Variants in EFNB3 observed in about 807,000 individuals in gnomAD.
EFNB3 encodes ephrin-B3.
Under a neutral mutation model 29.8 loss-of-function variants are expected in EFNB3, and 14 were observed. The observed-to-expected ratio is 0.47, with a 90% confidence interval of 0.31 to 0.73. The LOEUF is 0.73. EFNB3 is among the 30% of genes least tolerant of loss of function. EFNB3 has a pLI of 0.05. For synonymous variants in EFNB3, 216 were observed against 191.6 expected, an observed-to-expected ratio of 1.13 and a Z score of -1.05; for missense variants, 408 against 458.0, an observed-to-expected ratio of 0.89 and a Z score of 1.00.
chr17:7,707,841 C>T (rs2074332519), intron 1 of EFNB3, 117 bp from the exon 2 acceptor site: 9 of 1,184,026 alleles, frequency 7.6e-6, no homozygotes, highest in Middle Eastern at 2.9e-4. Context: ...CAGACAAAGG[C>T]GGGCAAGCGT....
rs902550229 is a variant in EFNB3 at position 7,710,272 on chromosome 17, C to G, written c.*696C>G. 6.5e-6 allele frequency: 1 copy of G among 153,998 alleles called. No individual in the cohort carries two copies. Among genetic ancestry groups the G allele is most frequent in the Non-Finnish European group, 1.4e-5 (1 of 69,422 alleles). 9.5% of individuals were successfully genotyped at this position (153,998 alleles called of 1,614,324 possible). On this transcript the variant is annotated 3_prime_UTR_variant, in exon 5 of 5. Coordinates refer to ENST00000226091, the MANE Select transcript of EFNB3 (RefSeq NM_001406.4). ...TGGCCCAGGCCTCTACATACTTACT[C>G]CAGCCATTTGGGGTGGTTGGGTCAT...
At chr17:7,707,922 A>G (rs779847289) in intron 1 of EFNB3, 36 bp from the exon 2 acceptor site, 8 of 1,564,244 alleles carry the variant, frequency 5.1e-6, no homozygotes, top group Non-Finnish European at 6.9e-6. Context: ...GGCCTCTGAC[A>G]TCTCTTCCTT....
Position 7,708,585 on chromosome 17 carries a change from A to C in EFNB3, c.509-50A>C. On this transcript the variant is annotated intron_variant, in intron 3 of 4. Transcript: ENST00000226091. The surrounding 1 kb of genome is among the most constrained non-coding windows in gnomAD (Gnocchi z 6.8). Reference sequence around the variant, plus strand: ...GAAGGGACGTTGGGGCAGTACGATCATGGTTGGGGCAGTTGTCTCAGCCCC... The same window carrying C: ...GAAGGGACGTTGGGGCAGTACGATCCTGGTTGGGGCAGTTGTCTCAGCCCC... 1 of 1,594,110 alleles carries C rather than the reference A, an allele frequency of 6.3e-7. No individual in the cohort carries two copies. Among genetic ancestry groups the C allele is most frequent in the East Asian group, 2.3e-5 (1 of 44,296 alleles).
rs897765481 is a variant in EFNB3, at chr17:7,705,805, G to T, written c.122+85G>T. The T allele has an allele frequency of 8.1e-6, 12 of 1,477,234 alleles. No homozygotes were observed. The highest frequency in any genetic ancestry group is 2.7e-5 in the East Asian group (1 of 37,502). 91.5% of individuals were successfully genotyped at this position (1,477,234 alleles called of 1,614,324 possible). A position where few individuals can be genotyped will look rare whatever the true frequency, so the allele number is the denominator to read the frequency against. Reference sequence around the variant, plus strand: ...GGGGCTTGGAGGCGGGCTTCTGTGGGCAGGGAGGAGGCGGGAGGGAAGGTG... The same window carrying T: ...GGGGCTTGGAGGCGGGCTTCTGTGGTCAGGGAGGAGGCGGGAGGGAAGGTG... On this transcript the variant is annotated intron_variant, in intron 1 of 4. Coordinates refer to ENST00000226091, the MANE Select transcript of EFNB3 (RefSeq NM_001406.4). The surrounding 1 kb of genome is among the most constrained non-coding windows in gnomAD (Gnocchi z 5.4).
In EFNB3 at chr17:7,705,372, C is replaced by T; in HGVS notation, c.-227C>T. 1 of 372,562 alleles carries T rather than the reference C, an allele frequency of 2.7e-6. No homozygotes were observed. The highest frequency in any genetic ancestry group is 4.8e-6 in the Non-Finnish European group (1 of 208,676). The allele number at this position is 372,562 out of a possible 1,614,324, so 23.1% of individuals were successfully genotyped here. ...AGATCCCGGGGTGCTGGCGCGTGGG[C>T]CGGGGGCGCGTAGGGCGCCTGCAGA... On this transcript the variant is annotated 5_prime_UTR_variant, in exon 1 of 5. Coordinates refer to ENST00000226091, the MANE Select transcript of EFNB3 (RefSeq NM_001406.4). This position sits in a 1 kb window ranked among gnomAD's most constrained non-coding sequence, Gnocchi z 5.4.
Position 7,708,174 on chromosome 17 carries a change from C to T in EFNB3, c.339C>T (p.Phe113=). 3.7e-6 allele frequency: 6 copies of T among 1,613,688 alleles called. No individual in the cohort carries two copies. The highest frequency in any genetic ancestry group is 5.1e-6 in the Non-Finnish European group (6 of 1,180,030). Residue 113 remains phenylalanine (F), a synonymous_variant, in exon 2 of 5, where the codon TTC becomes TTT. Transcript: ENST00000226091. The surrounding 1 kb of genome is among the most constrained non-coding windows in gnomAD (Gnocchi z 6.8). The part of the protein sequence containing the change: ...TCDRPDLDLR[F]TIKFQEYSPN... ...ATCGCCCAGACCTGGATCTCCGCTT[C>T]ACCATCAAGTTCCAGGAGTATAGCC...
chr17:7,709,859 T>G lies in EFNB3; in HGVS notation c.*283T>G, dbSNP rs2074343395. ...ACAGGCTCAGCCTCCTCTCTGACCA[T>G]GACCCAGGCATCCTTGTCCCCCTCA... is the stretch of plus-strand genomic sequence containing the variant. On this transcript the variant is annotated 3_prime_UTR_variant, in exon 5 of 5. Transcript: ENST00000226091. The surrounding 1 kb of genome is among the most constrained non-coding windows in gnomAD (Gnocchi z 4.5). The G allele has an allele frequency of 1.9e-6, 1 of 526,644 alleles. No individual in the cohort carries two copies. The highest frequency in any genetic ancestry group is 2.0e-5 in the African/African-American group (1 of 51,140). 32.6% of individuals were successfully genotyped at this position (526,644 alleles called of 1,614,324 possible).
chr17:7,706,216 C>T (rs2074327258), intron 1 of EFNB3, among the ~76,000 whole-genome samples: 1 of 151,214 alleles, frequency 6.6e-6, no homozygotes, highest in Non-Finnish European at 1.5e-5. Context: ...GGCTCCTTGA[C>T]TCTCTTCACA....
In EFNB3 at chr17:7,709,929, A is replaced by G. The variant is rs3744264; in HGVS notation, c.*353A>G. On this transcript the variant is annotated 3_prime_UTR_variant, in exon 5 of 5. Transcript: ENST00000226091. This position sits in a 1 kb window ranked among gnomAD's most constrained non-coding sequence, Gnocchi z 4.5. ...GGGAACAGCCCACCTTTTGGTTGGC[A>G]CCGCCTTCTTTCTGCCTCTCACTGG... The G allele has an allele frequency of 5.4e-4, 216 of 400,606 alleles. 4 individuals are homozygous for G. The East Asian group carries it at 0.013, about 25-fold the overall frequency. 24.8% of individuals were successfully genotyped at this position (400,606 alleles called of 1,614,324 possible).
In EFNB3 at chr17:7,708,228, G is replaced by T. The variant is rs201844534; in HGVS notation, c.393G>T (p.Ser131=). ...SPNLWGHEFR[S]HHDYYIIATS... ...ATCTCTGGGGCCACGAGTTCCGCTCGCACCACGATTACTACATCATTGGTA... is the reference window on the plus strand; with the variant it reads ...ATCTCTGGGGCCACGAGTTCCGCTCTCACCACGATTACTACATCATTGGTA... The change falls in exon 2 of 5, where the codon TCG becomes TCT. Residue 131 remains serine (S), a synonymous_variant. Transcript: ENST00000226091. This position sits in a 1 kb window ranked among gnomAD's most constrained non-coding sequence, Gnocchi z 6.8. The T allele has an allele frequency of 1.7e-5, 28 of 1,609,628 alleles. No homozygotes were observed. The highest frequency in any genetic ancestry group is 8.8e-5 in the South Asian group (8 of 91,082).
In EFNB3 at chr17:7,709,448, G is replaced by A. The variant is rs1567583809; in HGVS notation, c.895G>A (p.Gly299Ser). 1 of 1,613,582 alleles carries A rather than the reference G, an allele frequency of 6.2e-7. No individual in the cohort carries two copies. The highest frequency in any genetic ancestry group is 2.2e-5 in the East Asian group (1 of 44,876). ...EPGELGIALRGGGAADPPFCP... is the reference protein window; with the variant it reads ...EPGELGIALRSGGAADPPFCP... Reference sequence around the variant, plus strand: ...TGGGGAGCTAGGGATAGCTCTGCGGGGTGGCGGGGCTGCAGATCCCCCCTT... The same window carrying A: ...TGGGGAGCTAGGGATAGCTCTGCGGAGTGGCGGGGCTGCAGATCCCCCCTT... The change falls in exon 5 of 5, where the codon GGT (glycine) becomes AGT (serine). Residue 299 changes from glycine (G) to serine (S), a missense_variant. Around this residue, in one of 3 missense-constraint regions of EFNB3, gnomAD observed 233 missense variants for 230.7 expected, o/e 1.01. Coordinates refer to ENST00000226091, the MANE Select transcript of EFNB3 (RefSeq NM_001406.4). The surrounding 1 kb of genome is among the most constrained non-coding windows in gnomAD (Gnocchi z 4.5).
Position 7,709,453 on chromosome 17 carries a change from C to T in EFNB3, c.900C>T (p.Gly300=), listed in dbSNP as rs528034465. Residue 300 remains glycine (G), a synonymous_variant, in exon 5 of 5, where the codon GGC becomes GGT. Transcript: ENST00000226091. The surrounding 1 kb of genome is among the most constrained non-coding windows in gnomAD (Gnocchi z 4.5). ...AGCTAGGGATAGCTCTGCGGGGTGG[C>T]GGGGCTGCAGATCCCCCCTTCTGCC... is the stretch of plus-strand genomic sequence containing the variant. ...PGELGIALRG[G]GAADPPFCPH... is the part of the protein sequence containing the mutation. 6.4e-5 allele frequency: 103 copies of T among 1,613,302 alleles called. 1 individual carries two copies. The South Asian group carries it at 8.0e-4, about 13-fold the overall frequency.
Position 7,705,708 on chromosome 17 carries a change from C to G in EFNB3, c.110C>G (p.Ser37Trp). 6.4e-7 allele frequency: 1 copy of G among 1,560,772 alleles called. No homozygotes were observed. Among genetic ancestry groups the G allele is most frequent in the Non-Finnish European group, 8.6e-7 (1 of 1,159,958 alleles). ...AGCCTGGAGCCTGTCTACTGGAACTCGGCGAATAAGAGGTGAGTGGCCTGC... is the reference window on the plus strand; with the variant it reads ...AGCCTGGAGCCTGTCTACTGGAACTGGGCGAATAAGAGGTGAGTGGCCTGC... ...GLSLEPVYWN[S>W]ANKRFQAEGG... The change falls in exon 1 of 5, where the codon TCG becomes TGG. Residue 37 changes from serine (S) to tryptophan (W), a missense_variant. Physicochemically the swap from Ser to Trp is radical, Grantham distance 177 (BLOSUM62 -3). Coordinates refer to ENST00000226091, the MANE Select transcript of EFNB3 (RefSeq NM_001406.4). The surrounding 1 kb of genome is among the most constrained non-coding windows in gnomAD (Gnocchi z 5.4).
In EFNB3 at chr17:7,708,520, G is replaced by C; in HGVS notation, c.501G>C (p.Val167=). Residue 167 remains valine (V), a synonymous_variant, in exon 3 of 5, where the codon GTG becomes GTC. Coordinates refer to ENST00000226091, the MANE Select transcript of EFNB3 (RefSeq NM_001406.4). The surrounding 1 kb of genome is among the most constrained non-coding windows in gnomAD (Gnocchi z 6.8). ...GAGGCATGAAGGTGCTTCTCCGAGT[G>C]GGACAAAGTGAGTGGGGCTGGGGGA... ...LTRGMKVLLR[V]GQSPRGGAVP... is the part of the protein sequence containing the mutation. 6.2e-7 allele frequency: 1 copy of C among 1,613,666 alleles called. No homozygotes were observed. Among genetic ancestry groups the C allele is most frequent in the Non-Finnish European group, 8.5e-7 (1 of 1,179,810 alleles).
chr17:7,707,994 G>C lies in EFNB3; in HGVS notation c.159G>C (p.Gln53His). 1 of 1,613,918 alleles carries C rather than the reference G, an allele frequency of 6.2e-7. No homozygotes were observed. The highest frequency in any genetic ancestry group is 1.1e-5 in the South Asian group (1 of 91,076). Reference protein sequence around the residue: ...QAEGGYVLYPQIGDRLDLLCP... With the variant: ...QAEGGYVLYPHIGDRLDLLCP... The stretch of plus-strand genomic sequence containing the variant: ...AGGGTGGTTATGTGCTGTACCCTCA[G>C]ATCGGGGACCGGCTAGACCTGCTCT... Residue 53 changes from glutamine (Q) to histidine (H), a missense_variant, in exon 2 of 5, where the codon CAG becomes CAC. Around this residue, in one of 3 missense-constraint regions of EFNB3, gnomAD observed 128 missense variants for 140.8 expected, o/e 0.91. Coordinates refer to ENST00000226091, the MANE Select transcript of EFNB3 (RefSeq NM_001406.4).
At position 7,709,199 on chromosome 17, in the gene EFNB3, G is replaced by A. The variant is rs1365875418; in HGVS notation, c.646G>A (p.Ala216Thr). 1.9e-6 allele frequency: 3 copies of A among 1,603,986 alleles called. No homozygotes were observed. Among genetic ancestry groups the A allele is most frequent in the Non-Finnish European group, 2.5e-6 (3 of 1,178,378 alleles). ...CACCAGCAATGCAACCTCCCGGGGT[G>A]CTGAAGGCCCCCTGCCCCCTCCCAG... ...DPTSNATSRG[A>T]EGPLPPPSMP... Residue 216 changes from alanine to threonine, a missense_variant, in exon 5 of 5, where the codon GCT becomes ACT. Physicochemically the swap from Ala to Thr is moderately conservative, Grantham distance 58. This residue lies in a region of EFNB3 where 233 missense variants were observed against 230.7 expected (regional missense o/e 1.01). Transcript: ENST00000226091. The surrounding 1 kb of genome is among the most constrained non-coding windows in gnomAD (Gnocchi z 4.5).
chr17:7,709,044 G>A lies in EFNB3; in HGVS notation c.614-123G>A, dbSNP rs1245482863. On this transcript the variant is annotated intron_variant, in intron 4 of 4. Transcript: ENST00000226091. The surrounding 1 kb of genome is among the most constrained non-coding windows in gnomAD (Gnocchi z 4.5). ...AGTTCGGAGGGGGAGGAGAGATGGGGTCCCCAAGGGGCCTGGGCGCTACAA... is the reference window on the plus strand; with the variant it reads ...AGTTCGGAGGGGGAGGAGAGATGGGATCCCCAAGGGGCCTGGGCGCTACAA... 1 of 1,026,750 alleles carries A rather than the reference G, an allele frequency of 9.7e-7. No homozygotes were observed. The highest frequency in any genetic ancestry group is 1.4e-6 in the Non-Finnish European group (1 of 691,396). The allele number at this position is 1,026,750 out of a possible 1,614,324, so 63.6% of individuals were successfully genotyped here.
rs1358391215 is a variant in EFNB3 at position 7,705,388 on chromosome 17, C to A, written c.-211C>A. 3 of 390,088 alleles carry A rather than the reference C, an allele frequency of 7.7e-6. No homozygotes were observed. The highest frequency in any genetic ancestry group is 1.4e-5 in the Non-Finnish European group (3 of 219,966). The allele number at this position is 390,088 out of a possible 1,614,324, so 24.2% of individuals were successfully genotyped here. A position where few individuals can be genotyped will look rare whatever the true frequency, so the allele number is the denominator to read the frequency against. ...GCGCGTGGGCCGGGGGCGCGTAGGG[C>A]GCCTGCAGACGGCCCCTGGAAGGGC... On this transcript the variant is annotated 5_prime_UTR_variant, in exon 1 of 5. Coordinates refer to ENST00000226091, the MANE Select transcript of EFNB3 (RefSeq NM_001406.4). The surrounding 1 kb of genome is among the most constrained non-coding windows in gnomAD (Gnocchi z 5.4).
rs1480635679 is a variant in EFNB3, at chr17:7,708,614, C to T, written c.509-21C>T. 1.3e-6 allele frequency: 2 copies of T among 1,580,112 alleles called. No homozygotes were observed. The highest frequency in any genetic ancestry group is 1.7e-6 in the Non-Finnish European group (2 of 1,162,032). On this transcript the variant is annotated intron_variant, in intron 3 of 4. Transcript: ENST00000226091. The surrounding 1 kb of genome is among the most constrained non-coding windows in gnomAD (Gnocchi z 6.8). ...TTGGGGCAGTTGTCTCAGCCCCTCT[C>T]TGGGTCTTCCTCATCTCCAGGTCCC...
Sources: gnomAD v4.1 joint callset for allele counts (sites outside exome capture counted in the v4.1 genomes callset) on GRCh38, gnomAD v4.1.1 for gene constraint, gnomAD v4.1.1 regional missense constraint, Gnocchi (gnomAD v3.1) non-coding constraint, MANE v1.5 for transcripts, NCBI Gene and HGNC (gene_info 2026-07-23, HGNC 2026-07-21) for gene names.